TSHR: variants seen among roughly 807,000 people sequenced by gnomAD.
The protein encoded by TSHR is thyroid stimulating hormone receptor.
A neutral mutation model predicts 64.1 loss-of-function variants in TSHR; 51 were observed. The ratio of observed to expected loss-of-function variants is 0.80; its 90% CI spans 0.64 to 1.01. The LOEUF is 1.01. TSHR is among the 50% of genes least tolerant of loss of function. TSHR has a pLI of 0.00. For synonymous variants in TSHR, 361 were observed against 361.9 expected (o/e 1.00, Z 0.03); for missense variants, 877 against 942.8 (o/e 0.93, Z 0.91).
At chr14:81,004,862 C>T (rs2139765855) in intron 1 of TSHR, among the ~76,000 whole-genome samples, 1 of 152,286 alleles carries the variant, frequency 6.6e-6, no homozygotes, top group East Asian at 1.9e-4. Context: ...GTGTTAACAA[C>T]CACATGGCCT....
chr14:81,040,494 C>A (rs888312014), intron 1 of TSHR, among the ~76,000 whole-genome samples: 4 of 151,886 alleles, frequency 2.6e-5, no homozygotes, highest in Non-Finnish European at 5.9e-5. Context: ...TTCTGCACAG[C>A]AAAGTCAACA....
At chr14:81,026,714 A>G (rs939282024) in intron 1 of TSHR, among the ~76,000 whole-genome samples, 1 of 152,074 alleles carries the variant, frequency 6.6e-6, no homozygotes, top group African/African-American at 2.4e-5. Flanking sequence ...GGATAGAAGT[A>G]AAAGAGCAAA....
At chr14:81,055,778 T>C (rs1033106844) in intron 1 of TSHR, among the ~76,000 whole-genome samples, 8 of 152,238 alleles carry the variant, frequency 5.3e-5, no homozygotes, top group Admixed American at 5.2e-4. Context: ...TGTATCTGCA[T>C]TGTATCTAGG....
At chr14:81,109,033 T>C (rs1890101494) in intron 8 of TSHR, 9 of 1,175,920 alleles carry the variant, frequency 7.7e-6, no homozygotes, top group Non-Finnish European at 9.7e-6. Context: ...CTGAAGCCTC[T>C]GTATCATTGC....
At chr14:81,132,333 T>C (rs34871525) in intron 8 of TSHR, among the ~76,000 whole-genome samples, 11,999 of 152,288 alleles carry the variant, frequency 0.079, 496 homozygotes, top group Middle Eastern at 0.14. Context: ...GAATTTATCA[T>C]AAATTAATCT....
At chr14:81,093,903 C>A (rs1324232261) in intron 6 of TSHR, among the ~76,000 whole-genome samples, 1 of 152,164 alleles carries the variant, frequency 6.6e-6, no homozygotes, top group African/African-American at 2.4e-5. Context: ...CTCCTACATG[C>A]TAAACTTCTT....
At chr14:80,961,255 ACCACCAACACGTCCCTGTCTG>A (rs140945215) in intron 1 of TSHR, among the ~76,000 whole-genome samples, 26,992 of 152,100 alleles carry the variant, frequency 0.18, 2,673 homozygotes, top group East Asian at 0.43. Context: ...AATGGAGAAC[ACCACCAACACGTCCCTGTCTG>A]CAGGGATCTT....
intron 1 of TSHR, among the ~76,000 whole-genome samples, chr14:80,968,159 C>T (rs1025983724): frequency 1.2e-4 from 18 of 152,028 alleles, no homozygotes; most frequent in Admixed American, 4.6e-4. Flanking sequence ...GCAGTACTGT[C>T]GAGTTGTACC....
At chr14:80,990,110 T>C (rs1272767956) in intron 1 of TSHR, among the ~76,000 whole-genome samples, 1 of 152,230 alleles carries the variant, frequency 6.6e-6, no homozygotes, top group African/African-American at 2.4e-5. Flanking sequence ...TACTGGTTAA[T>C]AGATATTTTT....
At chr14:81,077,468 A>T (rs1887587856) in intron 3 of TSHR, among the ~76,000 whole-genome samples, 1 of 152,200 alleles carries the variant, frequency 6.6e-6, no homozygotes, top group African/African-American at 2.4e-5. Flanking sequence ...TATCCCAAGC[A>T]CTACACTAAT....
At chr14:81,036,379 A>C (rs1466407774) in intron 1 of TSHR, among the ~76,000 whole-genome samples, 1 of 152,206 alleles carries the variant, frequency 6.6e-6, no homozygotes, top group Non-Finnish European at 1.5e-5. Flanking sequence ...CCACTAGACT[A>C]TCAGCAGATT....
At chr14:80,985,069 T>G (rs1888370633) in intron 1 of TSHR, among the ~76,000 whole-genome samples, 1 of 151,970 alleles carries the variant, frequency 6.6e-6, no homozygotes, top group African/African-American at 2.4e-5. Flanking sequence ...GCTAACATGG[T>G]GAAACCCCGT....
chr14:81,027,252 C>T (rs1057154627), intron 1 of TSHR, among the ~76,000 whole-genome samples: 4 of 151,742 alleles, frequency 2.6e-5, no homozygotes, highest in African/African-American at 9.7e-5. Context: ...GTAAAACATT[C>T]AATATTCTTG....
intron 7 of TSHR, among the ~76,000 whole-genome samples, chr14:81,099,171 A>G (rs1306776235): frequency 6.6e-6 from 1 of 152,190 alleles, no homozygotes; most frequent in East Asian, 1.9e-4. Context: ...ATACAGAGCA[A>G]AAGTCAAGAA....
At chr14:81,011,670 TA>T (rs1889914421) in intron 1 of TSHR, among the ~76,000 whole-genome samples, 1 of 152,112 alleles carries the variant, frequency 6.6e-6, no homozygotes, top group Non-Finnish European at 1.5e-5. Context: ...ACTTATGGCC[TA>T]AAAGGAATAG....
intron 3 of TSHR, among the ~76,000 whole-genome samples, chr14:81,075,567 C>T (rs896865510): frequency 6.6e-6 from 1 of 151,664 alleles, no homozygotes; most frequent in African/African-American, 2.4e-5. Context: ...CATATGTATA[C>T]ATGTGCCATG....
chr14:80,967,928 T>C (rs1887404501), intron 1 of TSHR, among the ~76,000 whole-genome samples: 1 of 152,148 alleles, frequency 6.6e-6, no homozygotes, highest in African/African-American at 2.4e-5. Context: ...CTGAAACCCC[T>C]GAGACCACCT....
intron 1 of TSHR, among the ~76,000 whole-genome samples, chr14:81,032,344 G>C (rs923842754): frequency 6.6e-6 from 1 of 152,134 alleles, no homozygotes; most frequent in Admixed American, 6.6e-5. Flanking sequence ...GCATGGAAAA[G>C]AGTTACAATT....
At chr14:81,011,824 C>T (rs891073046) in intron 1 of TSHR, among the ~76,000 whole-genome samples, 5 of 152,002 alleles carry the variant, frequency 3.3e-5, no homozygotes, top group African/African-American at 1.2e-4. Context: ...CGCGCCACTG[C>T]ACTCCAGACT....
Sources: gnomAD v4.1 joint callset for allele counts (sites outside exome capture counted in the v4.1 genomes callset) on GRCh38, gnomAD v4.1.1 for gene constraint, MANE v1.5 for transcripts, NCBI Gene and HGNC (gene_info 2026-07-23, HGNC 2026-07-21) for gene names.